CPEB3: variants seen among roughly 807,000 people sequenced by gnomAD.
CPEB3 encodes the protein cytoplasmic polyadenylation element binding protein 3.
Under a neutral mutation model 67.2 loss-of-function variants are expected in CPEB3, and 20 were observed. The ratio of observed to expected loss-of-function variants is 0.30; its 90% CI spans 0.21 to 0.43. CPEB3 has a LOEUF of 0.43. Among genes scored for constraint, CPEB3 ranks in the 20% least tolerant of loss-of-function variants. The pLI is 1.00. For missense variants in CPEB3, 746 were observed against 968.6 expected (o/e 0.77, Z 3.05); for synonymous variants, 376 against 393.1 (o/e 0.96, Z 0.51).
At chr10:92,105,995 C>A (rs953522343) in intron 7 of CPEB3, among the ~76,000 whole-genome samples, 1 of 152,072 alleles carries the variant, frequency 6.6e-6, no homozygotes, top group African/African-American at 2.4e-5. Flanking sequence ...TGGGTTCAAG[C>A]GATTCTTGTG....
intron 1 of CPEB3, among the ~76,000 whole-genome samples, chr10:92,290,224 A>G (rs949469459): frequency 6.6e-6 from 1 of 152,158 alleles, no homozygotes. Context: ...AGAAAACGCC[A>G]CAGGTCGTCC....
intron 2 of CPEB3, among the ~76,000 whole-genome samples, chr10:92,228,487 C>T (rs1035407307): frequency 6.6e-6 from 1 of 152,076 alleles, no homozygotes; most frequent in Admixed American, 6.6e-5. Context: ...CTAAGAACTA[C>T]GACTCCTGGA....
intron 5 of CPEB3, among the ~76,000 whole-genome samples, chr10:92,143,957 T>C (rs1486645344): frequency 6.6e-6 from 1 of 152,220 alleles, no homozygotes; most frequent in African/African-American, 2.4e-5. Context: ...ATTTGAAGTG[T>C]GTCATAGCTA....
rs147010066 is a variant in CPEB3, at chr10:92,206,729, C to T, written c.1006-14093G>A. ...AGTCCATTTAATAACCTTCAGATAGCTATACTTAAAGGTCATACTTTAATT... is the reference window on the plus strand; with the variant it reads ...AGTCCATTTAATAACCTTCAGATAGTTATACTTAAAGGTCATACTTTAATT... On this transcript the variant is annotated intron_variant, in intron 2 of 9. Transcript: ENST00000265997. Among the ~76,000 whole-genome samples the T allele has an allele frequency of 4.3e-3, 657 of 152,248 alleles. 3 individuals carry two copies. Among genetic ancestry groups the T allele is most frequent in the Middle Eastern group, 0.024 (7 of 292 alleles).
intron 9 of CPEB3, among the ~76,000 whole-genome samples, chr10:92,052,907 CAGG>C (rs1288191403): frequency 2.0e-5 from 3 of 152,166 alleles, no homozygotes. Context: ...AGGCCATAAG[CAGG>C]AGGAGGCAGG....
chr10:92,137,342 A>T, intron 6 of CPEB3: 1 of 902,908 alleles, frequency 1.1e-6, no homozygotes, highest in Non-Finnish European at 1.7e-6. Flanking sequence ...CATATATCTG[A>T]TATGCTTAAC....
intron 1 of CPEB3, among the ~76,000 whole-genome samples, chr10:92,283,722 C>CTTTTTTTTTTTTTTTTTT (rs869248048): frequency 3.8e-4 from 41 of 108,936 alleles, no homozygotes; most frequent in South Asian, 6.1e-4. Flanking sequence ...CTTTTTCTTT[C>CTTTTTTTTTTTTTTTTTT]TTTTTTTTTT....
intron 1 of CPEB3, among the ~76,000 whole-genome samples, chr10:92,251,897 C>A (rs758612583): frequency 6.6e-6 from 1 of 150,560 alleles, no homozygotes; most frequent in Non-Finnish European, 1.5e-5. Flanking sequence ...GCCGAGATCA[C>A]GCCACTGCAC....
At chr10:92,284,801 A>G (rs1024841734) in intron 1 of CPEB3, among the ~76,000 whole-genome samples, 3 of 152,220 alleles carry the variant, frequency 2.0e-5, no homozygotes, top group African/African-American at 7.2e-5. Context: ...GTTTTTGCTC[A>G]TCATTGTATC....
At chr10:92,244,540 C>G (rs1477579108) in intron 1 of CPEB3, among the ~76,000 whole-genome samples, 2 of 151,042 alleles carry the variant, frequency 1.3e-5, no homozygotes, top group Non-Finnish European at 3.0e-5. Context: ...TGGGTTCAAG[C>G]GATTCTCCTG....
intron 4 of CPEB3, among the ~76,000 whole-genome samples, chr10:92,154,753 G>T (rs1847124659): frequency 6.6e-6 from 1 of 152,164 alleles, no homozygotes; most frequent in South Asian, 2.1e-4. Flanking sequence ...AGAATGTCTT[G>T]CTTCCCATTC....
chr10:92,129,423 T>C (rs941025133), intron 6 of CPEB3, among the ~76,000 whole-genome samples: 2 of 152,082 alleles, frequency 1.3e-5, no homozygotes, highest in African/African-American at 4.8e-5. Flanking sequence ...GGTGACCAAA[T>C]AATCTGTATA....
intron 9 of CPEB3, among the ~76,000 whole-genome samples, chr10:92,060,165 T>G (rs2134305463): frequency 1.3e-5 from 2 of 152,020 alleles, no homozygotes; most frequent in Middle Eastern, 3.4e-3. Flanking sequence ...GAGACCAGCC[T>G]GGTCAACATG....
At chr10:92,162,106 A>G (rs1299773568) in intron 4 of CPEB3, among the ~76,000 whole-genome samples, 3 of 152,214 alleles carry the variant, frequency 2.0e-5, no homozygotes, top group Non-Finnish European at 4.4e-5. Flanking sequence ...TTTAATTCTC[A>G]ATTATCAACT....
chr10:92,144,942 T>C lies in CPEB3; in HGVS notation c.1363+3A>G. ...TGCAAAATCATTAATGAATGCATAG[T>C]ACCTTCATCAATATCAGGAGGAAGT... On this transcript the variant is annotated splice_donor_region_variant and intron_variant, in intron 5 of 9. Coordinates refer to ENST00000265997, the MANE Select transcript of CPEB3 (RefSeq NM_014912.5). 1 of 1,613,816 alleles carries C rather than the reference T, an allele frequency of 6.2e-7. No individual in the cohort carries two copies. Among genetic ancestry groups the C allele is most frequent in the Non-Finnish European group, 8.5e-7 (1 of 1,179,852 alleles).
At chr10:92,220,544 A>G (rs1277781776) in intron 2 of CPEB3, among the ~76,000 whole-genome samples, 2 of 151,190 alleles carry the variant, frequency 1.3e-5, no homozygotes, top group Non-Finnish European at 2.9e-5. Context: ...ATGGCAATGA[A>G]GTACCTGGTA....
At chr10:92,185,088 T>TA (rs1350078975) in intron 3 of CPEB3, among the ~76,000 whole-genome samples, 1 of 152,230 alleles carries the variant, frequency 6.6e-6, no homozygotes, top group African/African-American at 2.4e-5. Context: ...GTCCAACAAA[T>TA]ACTGCTGTTT....
At chr10:92,135,018 A>G (rs1846023753) in intron 6 of CPEB3, among the ~76,000 whole-genome samples, 1 of 152,200 alleles carries the variant, frequency 6.6e-6, no homozygotes. Context: ...TTAATTCAAG[A>G]TGGATTAAAG....
chr10:92,060,173 A>G (rs2105364), intron 9 of CPEB3, among the ~76,000 whole-genome samples: 58,820 of 151,464 alleles, frequency 0.39, 12,154 homozygotes, highest in African/African-American at 0.53. Context: ...CCTGGTCAAC[A>G]TGGTGAAACC....
Sources: gnomAD v4.1 joint callset for allele counts (sites outside exome capture counted in the v4.1 genomes callset) on GRCh38, gnomAD v4.1.1 for gene constraint, MANE v1.5 for transcripts, NCBI Gene and HGNC (gene_info 2026-07-23, HGNC 2026-07-21) for gene names.